KCNJ6: variants seen among roughly 807,000 people sequenced by gnomAD.
KCNJ6 encodes the protein G protein-activated inward rectifier potassium channel 2.
Under a neutral mutation model 34.2 loss-of-function variants are expected in KCNJ6, and 9 were observed. The observed-to-expected ratio is 0.26, with a 90% confidence interval of 0.16 to 0.46. The LOEUF (loss-of-function observed/expected upper bound fraction) is 0.46. Ranked by LOEUF, KCNJ6 falls within the 20% of genes least tolerant of loss-of-function variation. The pLI is 1.00. For synonymous variants in KCNJ6, 196 were observed against 207.1 expected, an observed-to-expected ratio of 0.95 and a Z score of 0.46; for missense variants, 236 against 531.3, an observed-to-expected ratio of 0.44 and a Z score of 5.46.
intron 1 of KCNJ6, among the ~76,000 whole-genome samples, chr21:37,848,624 C>T (rs961517903): frequency 7.9e-5 from 12 of 152,204 alleles, no homozygotes; most frequent in African/African-American, 2.9e-4. Context: ...ATGAGGATAT[C>T]TCACAAAGAT....
At chr21:37,879,822 G>C (rs1207706653) in intron 1 of KCNJ6, among the ~76,000 whole-genome samples, 2 of 151,520 alleles carry the variant, frequency 1.3e-5, no homozygotes, top group Non-Finnish European at 2.9e-5. Flanking sequence ...ATGGTTCCAG[G>C]TTGGATAAAA....
intron 3 of KCNJ6, among the ~76,000 whole-genome samples, chr21:37,630,158 G>GTGTGTGTGTGTGTGT (rs1556010880): frequency 7.6e-5 from 11 of 145,692 alleles, no homozygotes; most frequent in East Asian, 4.1e-4. Context: ...GTGTGTGTGT[G>GTGTGTGTGTGTGTGT]GTGTTTATGT....
At chr21:37,783,676 G>C (rs904526855) in intron 2 of KCNJ6, among the ~76,000 whole-genome samples, 4 of 152,186 alleles carry the variant, frequency 2.6e-5, no homozygotes, top group Non-Finnish European at 5.9e-5. Context: ...TTCCCTGCTT[G>C]AAGTCTTTGC....
chr21:37,731,850 C>G (rs1252442415), intron 2 of KCNJ6, among the ~76,000 whole-genome samples: 2 of 152,136 alleles, frequency 1.3e-5, no homozygotes, highest in Non-Finnish European at 2.9e-5. Context: ...AATGAGGGGG[C>G]TCTGCTGATA....
intron 2 of KCNJ6, among the ~76,000 whole-genome samples, chr21:37,784,621 T>C (rs1189712535): frequency 1.3e-5 from 2 of 152,186 alleles, no homozygotes; most frequent in Admixed American, 1.3e-4. Context: ...GCTTGCAAAC[T>C]GTCACACTGC....
chr21:37,704,852 T>C (rs1569448678), intron 3 of KCNJ6, among the ~76,000 whole-genome samples: 1 of 152,012 alleles, frequency 6.6e-6, no homozygotes, highest in African/African-American at 2.4e-5. Context: ...TTTTCCTCCC[T>C]TAAGGGTTTG....
intron 2 of KCNJ6, among the ~76,000 whole-genome samples, chr21:37,736,925 G>C (rs118012573): frequency 6.6e-6 from 1 of 152,220 alleles, no homozygotes; most frequent in African/African-American, 2.4e-5. Context: ...ACTTAGACAC[G>C]AGTTGCTGCG....
At chr21:37,744,407 A>C (rs768467267) in intron 2 of KCNJ6, among the ~76,000 whole-genome samples, 9 of 152,180 alleles carry the variant, frequency 5.9e-5, no homozygotes, top group African/African-American at 1.2e-4. Context: ...ATGATTTGGA[A>C]TGCCCTGGAA....
intron 3 of KCNJ6, among the ~76,000 whole-genome samples, chr21:37,701,161 A>G (rs1280252122): frequency 6.6e-6 from 1 of 152,168 alleles, no homozygotes; most frequent in Non-Finnish European, 1.5e-5. Flanking sequence ...AACTACCTCT[A>G]TACTGACGGA....
chr21:37,855,045 A>G (rs1364028296), intron 1 of KCNJ6, among the ~76,000 whole-genome samples: 1 of 152,260 alleles, frequency 6.6e-6, no homozygotes, highest in African/African-American at 2.4e-5. Flanking sequence ...ACACAACAAC[A>G]GCAGAATACA....
chr21:37,748,283 T>G (rs1002385062), intron 2 of KCNJ6, among the ~76,000 whole-genome samples: 4 of 152,174 alleles, frequency 2.6e-5, no homozygotes, highest in Non-Finnish European at 5.9e-5. Flanking sequence ...GTGAGCAGAT[T>G]CACAGCTGCT....
chr21:37,844,261 C>T (rs552329494), intron 1 of KCNJ6, among the ~76,000 whole-genome samples: 84 of 152,110 alleles, frequency 5.5e-4, no homozygotes, highest in Admixed American at 5.9e-4. Flanking sequence ...GGTTTCACCA[C>T]GTTGGCCAGG....
intron 3 of KCNJ6, among the ~76,000 whole-genome samples, chr21:37,696,148 G>A (rs776535082): frequency 1.8e-4 from 27 of 152,200 alleles, no homozygotes; most frequent in Admixed American, 7.2e-4. Flanking sequence ...GGTAACCATC[G>A]TAGAAATAAC....
intron 3 of KCNJ6, among the ~76,000 whole-genome samples, chr21:37,702,485 A>G (rs2054696583): frequency 6.6e-6 from 1 of 152,126 alleles, no homozygotes; most frequent in Non-Finnish European, 1.5e-5. Context: ...GATAACATTT[A>G]TGGCCCTGGG....
chr21:37,626,264 G>C (rs2054310547), intron 3 of KCNJ6, among the ~76,000 whole-genome samples: 1 of 151,782 alleles, frequency 6.6e-6, no homozygotes, highest in Non-Finnish European at 1.5e-5. Flanking sequence ...CTGAGCAGCT[G>C]GGACTACAGG....
At chr21:37,795,747 AC>A (rs2055238397) in intron 2 of KCNJ6, among the ~76,000 whole-genome samples, 3 of 151,050 alleles carry the variant, frequency 2.0e-5, no homozygotes, top group Admixed American at 6.6e-5. Context: ...AAAAAAAAAA[AC>A]AAAAAAAAAC....
At chr21:37,790,602 G>A (rs1026968653) in intron 2 of KCNJ6, among the ~76,000 whole-genome samples, 1 of 152,168 alleles carries the variant, frequency 6.6e-6, no homozygotes, top group African/African-American at 2.4e-5. Context: ...AAAAGGCCAA[G>A]TGCCTTCACT....
intron 2 of KCNJ6, among the ~76,000 whole-genome samples, chr21:37,794,732 TG>T (rs950589722): frequency 4.6e-5 from 7 of 150,756 alleles, no homozygotes; most frequent in Admixed American, 6.6e-5. Flanking sequence ...TGTCGGGAGT[TG>T]GGGGGCAAGG....
chr21:37,859,512 TATATATATATATATATATAAAA>T (rs2055583243), intron 1 of KCNJ6, among the ~76,000 whole-genome samples: 1 of 119,080 alleles, frequency 8.4e-6, no homozygotes, highest in Non-Finnish European at 1.7e-5. Flanking sequence ...TATATATATA[TATATATATATATATATATAAAA>T]TACTTAAAAA....
Sources: allele counts gnomAD v4.1 joint callset (sites outside exome capture counted in the v4.1 genomes callset), GRCh38; gene constraint gnomAD v4.1.1; transcripts MANE v1.5; gene names NCBI Gene and HGNC (gene_info 2026-07-23, HGNC 2026-07-21).